LINGO2: variants seen among roughly 807,000 people sequenced by gnomAD.
LINGO2 encodes the protein leucine rich repeat and Ig domain containing 2, also known as leucine-rich repeat and immunoglobulin-like domain-containing nogo receptor-interacting protein 2.
A neutral mutation model predicts 30.6 loss-of-function variants in LINGO2; 14 were observed. The observed-to-expected ratio is 0.46, with a 90% CI of 0.30 to 0.72. The LOEUF is 0.72. LINGO2 is among the 30% of genes least tolerant of loss of function. The probability of loss-of-function intolerance (pLI) is 0.07; values close to 1 mark genes in which losing one functional copy is unlikely to be tolerated. For missense variants in LINGO2, 729 were observed against 751.7 expected, an observed-to-expected ratio of 0.97 and a Z score of 0.35; for synonymous variants, 317 against 288.5, an observed-to-expected ratio of 1.10 and a Z score of -1.00.
At chr9:28,655,671 T>C (rs1828304581) in intron 1 of LINGO2, among the ~76,000 whole-genome samples, 1 of 152,058 alleles carries the variant, frequency 6.6e-6, no homozygotes, top group African/African-American at 2.4e-5. Context: ...CTCCATCCTG[T>C]TCTCGTGATA....
chr9:28,374,930 G>C (rs1215223316), intron 2 of LINGO2, among the ~76,000 whole-genome samples: 1 of 152,068 alleles, frequency 6.6e-6, no homozygotes, highest in African/African-American at 2.4e-5. Flanking sequence ...AAATTAAAAA[G>C]ATAAGGACAA....
At chr9:29,034,611 T>C in the LINGO2 span, among the ~76,000 whole-genome samples, 86 of 152,296 alleles carry the variant, frequency 5.6e-4, no homozygotes, top group African/African-American at 1.9e-3. Context: ...TTTTCACCAT[T>C]TCTCTGATCA....
intron 1 of LINGO2, among the ~76,000 whole-genome samples, chr9:28,519,289 A>T (rs1348901588): frequency 6.6e-6 from 1 of 151,726 alleles, no homozygotes; most frequent in African/African-American, 2.4e-5. Context: ...CCGGCCTCTG[A>T]CTCCCAAAGT....
At chr9:28,838,173 A>G in the LINGO2 span, among the ~76,000 whole-genome samples, 2 of 152,118 alleles carry the variant, frequency 1.3e-5, no homozygotes, top group African/African-American at 4.8e-5. Context: ...GCACAGTGAC[A>G]TTTTCCAAAA....
chr9:28,424,249 T>C (rs1823316038), intron 2 of LINGO2, among the ~76,000 whole-genome samples: 1 of 152,144 alleles, frequency 6.6e-6, no homozygotes, highest in African/African-American at 2.4e-5. Flanking sequence ...TCACTTTGTG[T>C]AGAAGAACAT....
the LINGO2 span, among the ~76,000 whole-genome samples, chr9:29,024,045 C>T: frequency 2.0e-5 from 3 of 152,188 alleles, no homozygotes; most frequent in Admixed American, 2.0e-4. Context: ...ACCAATACAC[C>T]CTTCACTTTG....
intron 2 of LINGO2, among the ~76,000 whole-genome samples, chr9:28,458,012 T>A (rs1378966316): frequency 3.3e-5 from 5 of 152,200 alleles, no homozygotes; most frequent in Non-Finnish European, 2.9e-5. Context: ...CAAAGGAGAC[T>A]ATAATTATCA....
chr9:28,561,512 T>G (rs1453453920), intron 1 of LINGO2, among the ~76,000 whole-genome samples: 1 of 149,130 alleles, frequency 6.7e-6, no homozygotes, highest in Non-Finnish European at 1.5e-5. Flanking sequence ...TATATTTATT[T>G]TAAATATTTT....
the LINGO2 span, among the ~76,000 whole-genome samples, chr9:28,702,722 C>T: frequency 9.3e-4 from 141 of 151,970 alleles, no homozygotes; most frequent in East Asian, 0.027. Flanking sequence ...AATAATTCTT[C>T]AATAAATGTT....
intron 4 of LINGO2, among the ~76,000 whole-genome samples, chr9:28,093,805 C>T (rs997568903): frequency 3.9e-5 from 6 of 151,952 alleles, no homozygotes; most frequent in South Asian, 2.1e-4. Flanking sequence ...AACCACACTC[C>T]GGGAAGACCT....
the LINGO2 span, among the ~76,000 whole-genome samples, chr9:28,986,420 GA>G: frequency 2.6e-5 from 4 of 151,990 alleles, no homozygotes; most frequent in East Asian, 7.7e-4. Flanking sequence ...AATAACAATG[GA>G]ATTTCAACAA....
At chr9:28,970,624 G>C in the LINGO2 span, among the ~76,000 whole-genome samples, 1 of 152,122 alleles carries the variant, frequency 6.6e-6, no homozygotes, top group Admixed American at 6.5e-5. Flanking sequence ...CGTGTTGTTA[G>C]AGCAGAAAAG....
intron 4 of LINGO2, among the ~76,000 whole-genome samples, chr9:28,014,983 G>A (rs551734921): frequency 2.3e-4 from 35 of 152,178 alleles, no homozygotes; most frequent in African/African-American, 7.7e-4. Flanking sequence ...TACAAAAAAT[G>A]TGGTGATAAA....
At chr9:28,442,831 A>G (rs1306055920) in intron 2 of LINGO2, among the ~76,000 whole-genome samples, 1 of 152,174 alleles carries the variant, frequency 6.6e-6, no homozygotes, top group Non-Finnish European at 1.5e-5. Flanking sequence ...TGAAATCACA[A>G]TTCTATGGTT....
At chr9:28,613,809 TCAGCCA>T (rs1217587069) in intron 1 of LINGO2, among the ~76,000 whole-genome samples, 1 of 152,126 alleles carries the variant, frequency 6.6e-6, no homozygotes, top group African/African-American at 2.4e-5. Context: ...ATATCAGAGA[TCAGCCA>T]CAGACAAGAA....
intron 3 of LINGO2, among the ~76,000 whole-genome samples, chr9:28,340,654 A>G (rs1825737849): frequency 6.6e-6 from 1 of 152,156 alleles, no homozygotes; most frequent in Admixed American, 6.6e-5. Flanking sequence ...AAACTCAAAT[A>G]GTGGATGTAA....
At chr9:28,791,298 T>C in the LINGO2 span, among the ~76,000 whole-genome samples, 7 of 152,208 alleles carry the variant, frequency 4.6e-5, no homozygotes, top group African/African-American at 7.2e-5. Context: ...GATTTAAATA[T>C]GTGTTCTATA....
intron 1 of LINGO2, among the ~76,000 whole-genome samples, chr9:28,487,766 C>A (rs975051544): frequency 6.6e-6 from 1 of 152,078 alleles, no homozygotes; most frequent in Non-Finnish European, 1.5e-5. Context: ...GCTGATATGA[C>A]ACAAATGTTA....
At chr9:28,202,951 T>G (rs915233405) in intron 4 of LINGO2, among the ~76,000 whole-genome samples, 6 of 152,160 alleles carry the variant, frequency 3.9e-5, no homozygotes, top group Non-Finnish European at 7.3e-5. Flanking sequence ...GAATGTAAAC[T>G]CTGTAAAGCA....
Sources: gnomAD v4.1 joint callset for allele counts (sites outside exome capture counted in the v4.1 genomes callset) on GRCh38, gnomAD v4.1.1 for gene constraint, MANE v1.5 for transcripts, NCBI Gene and HGNC (gene_info 2026-07-23, HGNC 2026-07-21) for gene names.